PDE4D: variants seen among roughly 807,000 people sequenced by gnomAD.
The protein encoded by PDE4D is 3',5'-cyclic-AMP phosphodiesterase 4D.
In PDE4D, 24 loss-of-function variants were observed where a neutral mutation model predicts 87.4. That is an observed-to-expected ratio of 0.27 (90% CI 0.20 to 0.39). The LOEUF is 0.39. PDE4D is among the 10% of genes least tolerant of loss of function. The probability of loss-of-function intolerance (pLI) is 1.00; values close to 1 mark genes in which losing one functional copy is unlikely to be tolerated. For synonymous variants in PDE4D, 384 were observed against 383.2 expected, an observed-to-expected ratio of 1.00 and a Z score of -0.02; for missense variants, 714 against 1,041.0, an observed-to-expected ratio of 0.69 and a Z score of 4.32.
At chr5:60,481,525 CACTT>C (rs1406735231) in intron 1 of PDE4D, among the ~76,000 whole-genome samples, 1 of 152,160 alleles carries the variant, frequency 6.6e-6, no homozygotes, top group Non-Finnish European at 1.5e-5. Flanking sequence ...CCTACCTGTA[CACTT>C]ACTTTATAGC....
intron 3 of PDE4D, among the ~76,000 whole-genome samples, chr5:59,903,004 A>AT (rs1390545124): frequency 6.6e-6 from 1 of 152,154 alleles, no homozygotes; most frequent in Non-Finnish European, 1.5e-5. Flanking sequence ...TAAGATAAAA[A>AT]TTTTTGTGAA....
At chr5:59,705,673 G>C (rs1753280700) in intron 1 of PDE4D, among the ~76,000 whole-genome samples, 1 of 152,060 alleles carries the variant, frequency 6.6e-6, no homozygotes, top group Non-Finnish European at 1.5e-5. Flanking sequence ...ACCTATCTGG[G>C]TTACTAATAT....
At chr5:60,325,547 T>C (rs11952029) in intron 1 of PDE4D, among the ~76,000 whole-genome samples, 14,737 of 152,128 alleles carry the variant, frequency 0.097, 891 homozygotes, top group African/African-American at 0.16. Context: ...GTTTAAAAAA[T>C]AAAAACTGAT....
chr5:59,418,653 T>G (rs1296706803), intron 1 of PDE4D, among the ~76,000 whole-genome samples: 2 of 151,128 alleles, frequency 1.3e-5, no homozygotes, highest in Non-Finnish European at 2.9e-5. Flanking sequence ...TAACAATTTT[T>G]TTTTTGTTTT....
At chr5:60,282,208 C>CATATATATAT (rs140298004) in intron 1 of PDE4D, among the ~76,000 whole-genome samples, 2,230 of 128,152 alleles carry the variant, frequency 0.017, 23 homozygotes, top group East Asian at 0.022. Context: ...GAGAAATAAA[C>CATATATATAT]ATATATATAT....
intron 1 of PDE4D, among the ~76,000 whole-genome samples, chr5:60,197,060 GATAGATAGATAGAC>G (rs1741313962): frequency 9.1e-6 from 1 of 110,452 alleles, no homozygotes; most frequent in African/African-American, 3.7e-5. Context: ...TAGATAGATA[GATAGATAGATAGAC>G]AGTTAGATAG....
intron 1 of PDE4D, among the ~76,000 whole-genome samples, chr5:60,387,996 G>A (rs987509900): frequency 6.6e-6 from 1 of 152,150 alleles, no homozygotes; most frequent in African/African-American, 2.4e-5. Context: ...ATTGGAAGCA[G>A]CTCACAGAAC....
chr5:60,280,754 A>C (rs1183310718), intron 1 of PDE4D, among the ~76,000 whole-genome samples: 1 of 152,220 alleles, frequency 6.6e-6, no homozygotes, highest in East Asian at 1.9e-4. Context: ...GTGAGAGCTA[A>C]GCAAGTTGGT....
At chr5:59,403,102 T>A (rs999532968) in intron 1 of PDE4D, among the ~76,000 whole-genome samples, 2 of 139,842 alleles carry the variant, frequency 1.4e-5, no homozygotes, top group Non-Finnish European at 3.3e-5. Context: ...CATAATTTTT[T>A]AAATTTTAAA....
intron 1 of PDE4D, among the ~76,000 whole-genome samples, chr5:59,785,390 T>G (rs2152635330): frequency 6.6e-6 from 1 of 152,344 alleles, no homozygotes; most frequent in South Asian, 2.1e-4. Context: ...CACTAACTCA[T>G]TCATACAGCT....
At chr5:59,296,460 T>C (rs2153558144) in intron 1 of PDE4D, among the ~76,000 whole-genome samples, 1 of 152,212 alleles carries the variant, frequency 6.6e-6, no homozygotes, top group Admixed American at 6.6e-5. Context: ...AATGATTAAC[T>C]AAAGTCTGAG....
At chr5:59,982,959 G>C (rs1450554877) in intron 3 of PDE4D, among the ~76,000 whole-genome samples, 2 of 152,112 alleles carry the variant, frequency 1.3e-5, no homozygotes, top group Non-Finnish European at 2.9e-5. Flanking sequence ...TGAAAAATGG[G>C]GATAGGTAGT....
intron 1 of PDE4D, among the ~76,000 whole-genome samples, chr5:59,461,157 C>A (rs1800714375): frequency 6.6e-6 from 1 of 151,596 alleles, no homozygotes; most frequent in African/African-American, 2.4e-5. Context: ...CATGTACTGA[C>A]ATAAATAGCT....
chr5:60,219,743 G>A (rs1013062336), intron 1 of PDE4D, among the ~76,000 whole-genome samples: 3 of 152,142 alleles, frequency 2.0e-5, no homozygotes, highest in Non-Finnish European at 4.4e-5. Context: ...CCTTAGATAT[G>A]GCAAGAAAAG....
intron 1 of PDE4D, among the ~76,000 whole-genome samples, chr5:59,341,687 T>C (rs113295547): frequency 1.3e-4 from 20 of 152,322 alleles, no homozygotes; most frequent in Non-Finnish European, 2.2e-4. Context: ...TGCATGTATG[T>C]ATGCATGGCG....
chr5:59,527,649 C>T (rs1004322730), intron 1 of PDE4D, among the ~76,000 whole-genome samples: 1 of 152,112 alleles, frequency 6.6e-6, no homozygotes, highest in Admixed American at 6.5e-5. Flanking sequence ...CTTTCCAAAC[C>T]TTCCAAATTG....
Position 60,357,619 on chromosome 5 carries a change from T to C in PDE4D, c.-90+130323A>G, listed in dbSNP as rs554469165. ...CTACTTGGAATTTTTACTAGATTTC[T>C]ATCTTTTGGCTTCTGCTACCTCTCA... On this transcript the variant is annotated intron_variant, in intron 1 of 16. Coordinates refer to the PDE4D transcript ENST00000502484. Among the ~76,000 whole-genome samples the C allele has an allele frequency of 2.6e-4, 39 of 152,332 alleles. No homozygotes were observed. In the South Asian group the frequency reaches 3.9e-3, roughly 15 times the overall value.
At chr5:59,338,271 C>G (rs1472307536) in intron 1 of PDE4D, among the ~76,000 whole-genome samples, 3 of 152,190 alleles carry the variant, frequency 2.0e-5, no homozygotes, top group African/African-American at 4.8e-5. Flanking sequence ...AGTGGGATCT[C>G]ATGCTATATG....
chr5:59,599,625 A>T (rs1204650439), intron 1 of PDE4D, among the ~76,000 whole-genome samples: 1 of 152,160 alleles, frequency 6.6e-6, no homozygotes, highest in East Asian at 1.9e-4. Flanking sequence ...CTAAACCATC[A>T]TCTCAGACTC....
Sources: gnomAD v4.1 joint callset for allele counts (sites outside exome capture counted in the v4.1 genomes callset) on GRCh38, gnomAD v4.1.1 for gene constraint, MANE v1.5 for transcripts, NCBI Gene and HGNC (gene_info 2026-07-23, HGNC 2026-07-21) for gene names.